Variants in HOXC4 observed in about 807,000 individuals in gnomAD.
HOXC4 encodes homeobox C4, also known as homeobox protein Hox-C4.
HOXC4 carries 15 observed loss-of-function variants against 25.5 expected under a neutral mutation model. That is an observed-to-expected ratio of 0.59 (90% CI 0.39 to 0.91). The LOEUF is 0.91. HOXC4 is among the 40% of genes least tolerant of loss of function. The probability of loss-of-function intolerance (pLI) is 0.00; values close to 1 mark genes in which losing one functional copy is unlikely to be tolerated. For synonymous variants in HOXC4, 165 were observed against 148.0 expected, an observed-to-expected ratio of 1.11 and a Z score of -0.83; for missense variants, 342 against 352.4, an observed-to-expected ratio of 0.97 and a Z score of 0.24.
intron 1 of HOXC4, among the ~76,000 whole-genome samples, chr12:54,041,726 G>C (rs1941276328): frequency 6.6e-6 from 1 of 152,098 alleles, no homozygotes; most frequent in Non-Finnish European, 1.5e-5. Flanking sequence ...GCCCCGGCTG[G>C]AGTGCAATGG....
upstream of HOXC4, among the ~76,000 whole-genome samples, chr12:54,049,796 A>G (rs1937803788): frequency 7.1e-6 from 1 of 140,670 alleles, no homozygotes; most frequent in African/African-American, 2.7e-5. Flanking sequence ...ACACACACAC[A>G]CACGAAAAAA....
intron 1 of HOXC4, chr12:54,037,908 T>C (rs917755817): frequency 6.6e-6 from 1 of 152,134 alleles, no homozygotes; most frequent in Non-Finnish European, 1.5e-5. Flanking sequence ...CAGCTGCTGG[T>C]GAGGTTTAAT....
intron 1 of HOXC4, chr12:54,032,849 C>A (rs533708445): frequency 3.6e-6 from 1 of 276,304 alleles, no homozygotes; most frequent in Non-Finnish European, 6.7e-6. Flanking sequence ...TCCCTCTCCC[C>A]CTTGGTTGGG....
In HOXC4 at chr12:54,054,237, C is replaced by A. The variant is rs375090194; in HGVS notation, c.315C>A (p.Gly105=). ...TCTGCGAGCCGGCGCCTCTCTCAGGCGCCTCCGCCTCCCCGTCCCCAGCCC... is the reference window on the plus strand; with the variant it reads ...TCTGCGAGCCGGCGCCTCTCTCAGGAGCCTCCGCCTCCCCGTCCCCAGCCC... ...QSLCEPAPLS[G]ASASPSPAPP... Residue 105 remains glycine (G), a synonymous_variant, in exon 1 of 2, where the codon GGC becomes GGA. Coordinates refer to ENST00000430889, the MANE Select transcript of HOXC4 (RefSeq NM_153633.3). The A allele has an allele frequency of 3.7e-6, 6 of 1,611,162 alleles. No homozygotes were observed. The highest frequency in any genetic ancestry group is 1.3e-5 in the African/African-American group (1 of 74,862).
chr12:54,019,339 G>C (rs1269823894), intron 1 of HOXC4, among the ~76,000 whole-genome samples: 6 of 152,176 alleles, frequency 3.9e-5, no homozygotes, highest in African/African-American at 4.8e-5. Context: ...GCTCAGGCAC[G>C]GCCCAGTGGC....
At chr12:54,050,563 A>G (rs537684330), upstream of HOXC4, among the ~76,000 whole-genome samples, 2 of 152,160 alleles carry the variant, frequency 1.3e-5, no homozygotes, top group South Asian at 4.2e-4. Flanking sequence ...CCCCCTCCCA[A>G]TTAAGCCATT....
chr12:54,027,464 A>AC (rs779483788), intron 1 of HOXC4, among the ~76,000 whole-genome samples: 1 of 152,078 alleles, frequency 6.6e-6, no homozygotes, highest in Non-Finnish European at 1.5e-5. Flanking sequence ...TATGTGAATT[A>AC]CCCCACAGGC....
At chr12:54,054,732 A>G (rs376571191) in intron 1 of HOXC4, 118 bp from the exon 2 acceptor site, 9 of 680,182 alleles carry the variant, frequency 1.3e-5, no homozygotes, top group South Asian at 1.2e-4. Flanking sequence ...TTTAAGCTTG[A>G]TGACTTTATT....
chr12:54,034,376 C>G lies in HOXC4; in HGVS notation c.-124+16962C>G. ...TAACCGCTACCTCACTCGCCGCAGGCGCATAGAGATCGCCAACAACTTGTG... is the reference window on the plus strand; with the variant it reads ...TAACCGCTACCTCACTCGCCGCAGGGGCATAGAGATCGCCAACAACTTGTG... On this transcript the variant is annotated intron_variant, in intron 1 of 3. Coordinates refer to the HOXC4 transcript ENST00000303406. 8 of 1,614,162 alleles carry G rather than the reference C, an allele frequency of 5.0e-6. No individual in the cohort carries two copies. In the South Asian group the frequency reaches 7.7e-5, roughly 16 times the overall value.
At chr12:54,033,344 C>A (rs920512069) in intron 1 of HOXC4, 2 of 1,613,010 alleles carry the variant, frequency 1.2e-6, no homozygotes, top group African/African-American at 2.7e-5. Flanking sequence ...CCGACCGCCC[C>A]GCCTGCAGCG....
chr12:54,019,572 G>A (rs1429052970), intron 1 of HOXC4, among the ~76,000 whole-genome samples: 1 of 152,166 alleles, frequency 6.6e-6, no homozygotes, highest in Non-Finnish European at 1.5e-5. Context: ...GCTGATGGGG[G>A]GGAACACAAG....
At chr12:54,042,648 T>C (rs974839601) in intron 1 of HOXC4, among the ~76,000 whole-genome samples, 2 of 152,218 alleles carry the variant, frequency 1.3e-5, no homozygotes, top group Admixed American at 1.3e-4. Context: ...ACCACCACCC[T>C]GAGCCTCTTC....
intron 1 of HOXC4, among the ~76,000 whole-genome samples, chr12:54,045,435 A>T (rs534615191): frequency 1.3e-5 from 2 of 152,116 alleles, no homozygotes; most frequent in African/African-American, 2.4e-5. Flanking sequence ...ATATTTGGAA[A>T]TTTTTTTCTT....
chr12:54,031,050 C>T (rs1031199781), intron 1 of HOXC4, among the ~76,000 whole-genome samples: 2 of 152,232 alleles, frequency 1.3e-5, no homozygotes, highest in Admixed American at 6.5e-5. Flanking sequence ...ACACACCCTG[C>T]GGGAAAAAGC....
intron 1 of HOXC4, chr12:54,030,211 C>T: frequency 4.9e-6 from 2 of 406,306 alleles, no homozygotes; most frequent in East Asian, 7.8e-5. Context: ...TCTACAGGCC[C>T]TTTTCCCCGT....
At chr12:54,040,321 A>G (rs1941250477) in intron 1 of HOXC4, among the ~76,000 whole-genome samples, 2 of 152,122 alleles carry the variant, frequency 1.3e-5, no homozygotes, top group African/African-American at 4.8e-5. Context: ...CCACCAACCA[A>G]TCAGCAAAAA....
chr12:54,032,684 A>G (rs1719814769), intron 1 of HOXC4, among the ~76,000 whole-genome samples: 1 of 152,228 alleles, frequency 6.6e-6, no homozygotes, highest in South Asian at 2.1e-4. Flanking sequence ...TTCACAGTGT[A>G]GGAAATCCAG....
chr12:54,029,203 G>GC (rs1024571922), intron 1 of HOXC4, among the ~76,000 whole-genome samples: 1 of 152,156 alleles, frequency 6.6e-6, no homozygotes, highest in Non-Finnish European at 1.5e-5. Context: ...AGATAGGGGA[G>GC]CCCCCCAAAG....
At chr12:54,028,444 C>G in intron 1 of HOXC4, 8 of 1,468,956 alleles carry the variant, frequency 5.4e-6, no homozygotes, top group Non-Finnish European at 7.4e-6. Flanking sequence ...GTCCCTATAA[C>G]CATCTAGTTC....
Sources: gnomAD v4.1 joint callset for allele counts (sites outside exome capture counted in the v4.1 genomes callset) on GRCh38, gnomAD v4.1.1 for gene constraint, MANE v1.5 for transcripts, NCBI Gene and HGNC (gene_info 2026-07-23, HGNC 2026-07-21) for gene names.